Variants in STK32A observed in about 807,000 individuals in gnomAD.
STK32A encodes the protein serine/threonine kinase 32A.
Under a neutral mutation model 53.2 loss-of-function variants are expected in STK32A, and 41 were observed. The ratio of observed to expected loss-of-function variants is 0.77; its 90% confidence interval spans 0.60 to 1.00. The LOEUF is 1.00. STK32A is among the 50% of genes least tolerant of loss of function. STK32A has a pLI of 0.00. For synonymous variants in STK32A, 166 were observed against 162.8 expected, an observed-to-expected ratio of 1.02 and a Z score of -0.15; for missense variants, 458 against 485.8, an observed-to-expected ratio of 0.94 and a Z score of 0.54.
intron 2 of STK32A, among the ~76,000 whole-genome samples, chr5:147,244,386 G>T (rs1053168381): frequency 6.6e-6 from 1 of 152,144 alleles, no homozygotes; most frequent in Non-Finnish European, 1.5e-5. Flanking sequence ...ATTCTTTTGG[G>T]TATATACCTA....
At chr5:147,348,673 G>A in intron 6 of STK32A, 1 of 769,540 alleles carries the variant, frequency 1.3e-6, no homozygotes, top group Non-Finnish European at 2.4e-6. Context: ...ATCACCTGTG[G>A]AATTTGTTGT....
In STK32A at chr5:147,383,974, C is replaced by T. The variant is rs370232822; in HGVS notation, c.1182C>T (p.Asn394=). The change falls in exon 13 of 13, where the codon AAC becomes AAT. Residue 394 remains asparagine (N), a synonymous_variant. Coordinates refer to ENST00000397936, the MANE Select transcript of STK32A (RefSeq NM_001112724.2). The stretch of plus-strand genomic sequence containing the variant: ...CACAAGGTGAGGATGGTCAGAATAA[C>T]AACTTGTAAAGGCCTCATGTCTTCT... ...KDPQGEDGQN[N]NL 8.1e-6 allele frequency: 13 copies of T among 1,603,552 alleles called. No individual in the cohort carries two copies. In the African/African-American group the frequency reaches 1.8e-4, roughly 22 times the overall value.
intron 2 of STK32A, among the ~76,000 whole-genome samples, chr5:147,247,274 A>G (rs1753803002): frequency 6.6e-6 from 1 of 152,208 alleles, no homozygotes; most frequent in South Asian, 2.1e-4. Context: ...GTCCCATGAA[A>G]TATACACGGA....
chr5:147,300,518 C>G (rs576209266), intron 4 of STK32A, among the ~76,000 whole-genome samples: 84 of 152,338 alleles, frequency 5.5e-4, no homozygotes, highest in African/African-American at 1.9e-3. Flanking sequence ...CACAACAGTG[C>G]CTACCGCACA....
intron 11 of STK32A, 48 bp from the exon 12 acceptor site, chr5:147,383,393 T>C: frequency 6.7e-7 from 1 of 1,488,932 alleles, no homozygotes; most frequent in Non-Finnish European, 9.2e-7. Flanking sequence ...AAGATTCTCA[T>C]TTGTCTGCTA....
At position 147,386,525 on chromosome 5, in the gene STK32A, G is replaced by A. The variant is rs1757648453; in HGVS notation, c.*2542G>A. Reference sequence around the variant, plus strand: ...GAACCATTAGGATCTCCACTGTGATGAGAGTTAAGCCATAGTGCCATTTCA... The same window carrying A: ...GAACCATTAGGATCTCCACTGTGATAAGAGTTAAGCCATAGTGCCATTTCA... On this transcript the variant is annotated 3_prime_UTR_variant, in exon 13 of 13. Transcript: ENST00000397936. 1 of 152,192 alleles carries A rather than the reference G, an allele frequency of 6.6e-6. No individual in the cohort carries two copies. Among genetic ancestry groups the A allele is most frequent in the African/African-American group, 2.4e-5 (1 of 41,448 alleles). The allele number at this position is 152,192 out of a possible 1,614,324, so 9.4% of individuals were successfully genotyped here. A position where few individuals can be genotyped will look rare whatever the true frequency, so the allele number is the denominator to read the frequency against.
chr5:147,252,169 TTCATCATCATTG>T (rs1221723609), intron 2 of STK32A, among the ~76,000 whole-genome samples: 1 of 152,164 alleles, frequency 6.6e-6, no homozygotes, highest in East Asian at 1.9e-4. Context: ...AACAATTTAT[TTCATCATCATTG>T]TCATCATCAT....
At chr5:147,378,520 A>T (rs937698850) in intron 11 of STK32A, among the ~76,000 whole-genome samples, 1 of 152,018 alleles carries the variant, frequency 6.6e-6, no homozygotes, top group African/African-American at 2.4e-5. Flanking sequence ...AAGAACATAC[A>T]CCATATCAGT....
intron 5 of STK32A, among the ~76,000 whole-genome samples, chr5:147,324,645 T>C (rs1381570671): frequency 6.6e-6 from 1 of 152,196 alleles, no homozygotes; most frequent in Non-Finnish European, 1.5e-5. Context: ...TAATACTTTA[T>C]AGTAAAGAAA....
At chr5:147,379,786 C>T (rs1218547681) in intron 11 of STK32A, among the ~76,000 whole-genome samples, 1 of 152,124 alleles carries the variant, frequency 6.6e-6, no homozygotes, top group African/African-American at 2.4e-5. Flanking sequence ...ATGCCGTCTC[C>T]AGCTATGATA....
At chr5:147,300,832 C>A (rs985609973) in intron 4 of STK32A, among the ~76,000 whole-genome samples, 5 of 152,190 alleles carry the variant, frequency 3.3e-5, no homozygotes, top group African/African-American at 1.2e-4. Flanking sequence ...ATACTCATGT[C>A]AGTACTACTT....
chr5:147,244,035 T>A (rs1434321916), intron 2 of STK32A, among the ~76,000 whole-genome samples: 2 of 148,780 alleles, frequency 1.3e-5, no homozygotes, highest in Non-Finnish European at 3.0e-5. Flanking sequence ...AACAATAACA[T>A]CCACATTCCA....
Position 147,370,835 on chromosome 5 carries a change from T to C in STK32A, c.777+65T>C, listed in dbSNP as rs570106666. 2.2e-5 allele frequency: 22 copies of C among 1,021,904 alleles called. No individual in the cohort carries two copies. The East Asian group carries it at 5.3e-4, about 25-fold the overall frequency. 63.3% of individuals were successfully genotyped at this position (1,021,904 alleles called of 1,614,324 possible). ...GGAAGCAGGCTCTCTGGCTTAAGTT[T>C]AGAAGTTAGTATACAATATTGGGGA... On this transcript the variant is annotated intron_variant, in intron 9 of 12. Coordinates refer to ENST00000397936, the MANE Select transcript of STK32A (RefSeq NM_001112724.2).
At chr5:147,355,792 G>GTGTGTGTGTATATATATATA (rs984298293) in intron 7 of STK32A, among the ~76,000 whole-genome samples, 12 of 147,766 alleles carry the variant, frequency 8.1e-5, no homozygotes, top group African/African-American at 3.0e-4. Flanking sequence ...GTGTGTGTGT[G>GTGTGTGTGTATATATATATA]TATATATATA....
chr5:147,316,860 A>G (rs113270540), intron 4 of STK32A, among the ~76,000 whole-genome samples: 34 of 12,476 alleles, frequency 2.7e-3, no homozygotes, highest in African/African-American at 5.9e-3. Context: ...GTTTCTGGCG[A>G]AAAAAAAAAA....
rs549942634 is a variant in STK32A at position 147,315,187 on chromosome 5, T to C, written c.261-8711T>C. 7.9e-5 allele frequency among the ~76,000 whole-genome samples: 12 copies of C among 152,320 alleles called. No homozygotes were observed. The East Asian group carries it at 1.9e-3, about 24-fold the overall frequency. ...GGACAGTTCTTCAAAAAGTTAAACA[T>C]AGAGTTTCCATTTGATCCAACAATT... On this transcript the variant is annotated intron_variant, in intron 4 of 12. Coordinates refer to ENST00000397936, the MANE Select transcript of STK32A (RefSeq NM_001112724.2).
intron 2 of STK32A, among the ~76,000 whole-genome samples, chr5:147,254,447 T>C (rs1363317416): frequency 6.6e-6 from 1 of 152,254 alleles, no homozygotes; most frequent in East Asian, 1.9e-4. Context: ...GGTTTCTGAA[T>C]GTTATATATA....
intron 6 of STK32A, among the ~76,000 whole-genome samples, chr5:147,344,552 C>G (rs1029369243): frequency 2.6e-5 from 4 of 152,170 alleles, no homozygotes; most frequent in Non-Finnish European, 5.9e-5. Context: ...GCAGGAGGAT[C>G]GCTTGAGCCC....
chr5:147,299,739 G>T (rs1331286385), intron 4 of STK32A, among the ~76,000 whole-genome samples: 2 of 152,178 alleles, frequency 1.3e-5, no homozygotes, highest in East Asian at 1.9e-4. Flanking sequence ...CGACAAGTGG[G>T]TTTCTACGGA....
Sources: gnomAD v4.1 joint callset for allele counts (sites outside exome capture counted in the v4.1 genomes callset) on GRCh38, gnomAD v4.1.1 for gene constraint, MANE v1.5 for transcripts, NCBI Gene and HGNC (gene_info 2026-07-23, HGNC 2026-07-21) for gene names.